PALLD: variants seen among roughly 807,000 people sequenced by gnomAD.
PALLD encodes the protein palladin, cytoskeletal associated protein.
In PALLD, 61 loss-of-function variants were observed where a neutral mutation model predicts 123.5. The ratio of observed to expected loss-of-function variants is 0.49; its 90% CI spans 0.40 to 0.61. The LOEUF (loss-of-function observed/expected upper bound fraction) is 0.61. Among genes scored for constraint, PALLD ranks in the 20% least tolerant of loss-of-function variants. The pLI is 0.00. For missense variants in PALLD, 1,273 were observed against 1,377.0 expected (o/e 0.92, Z 1.20); for synonymous variants, 465 against 496.4 (o/e 0.94, Z 0.84).
intron 10 of PALLD, among the ~76,000 whole-genome samples, chr4:168,879,468 A>G (rs1371714108): frequency 3.3e-5 from 5 of 152,226 alleles, no homozygotes; most frequent in East Asian, 1.9e-4. Context: ...GAAGCATACT[A>G]TTGTTCAGAG....
At chr4:168,864,464 G>T (rs1360329453) in intron 10 of PALLD, 1 of 152,156 alleles carries the variant, frequency 6.6e-6, no homozygotes, top group African/African-American at 2.4e-5. Flanking sequence ...TGCACCAAAC[G>T]TACTTATTAC....
chr4:168,575,082 C>T (rs1208915388), intron 2 of PALLD, among the ~76,000 whole-genome samples: 3 of 152,102 alleles, frequency 2.0e-5, no homozygotes, highest in Non-Finnish European at 4.4e-5. Flanking sequence ...GTGTCTGCCA[C>T]CAGCTGAATC....
At chr4:168,743,359 C>T (rs971449396) in intron 10 of PALLD, among the ~76,000 whole-genome samples, 2 of 152,076 alleles carry the variant, frequency 1.3e-5, no homozygotes, top group African/African-American at 4.8e-5. Context: ...GTTTAATCCC[C>T]AGCAACTAGC....
chr4:168,567,814 G>A (rs1457831194), intron 2 of PALLD, among the ~76,000 whole-genome samples: 1 of 151,770 alleles, frequency 6.6e-6, no homozygotes, highest in East Asian at 1.9e-4. Context: ...GAGGATGGGA[G>A]GGGGGATGAA....
At chr4:168,860,023 G>C (rs1032991019) in intron 10 of PALLD, among the ~76,000 whole-genome samples, 19 of 152,186 alleles carry the variant, frequency 1.2e-4, no homozygotes, top group African/African-American at 4.1e-4. Flanking sequence ...ACTAACCACT[G>C]TTCAAGCACT....
intron 10 of PALLD, among the ~76,000 whole-genome samples, chr4:168,854,319 G>T (rs778671625): frequency 1.3e-5 from 2 of 152,172 alleles, no homozygotes; most frequent in Admixed American, 1.3e-4. Context: ...GGACAAGCTG[G>T]TCAGGGATGG....
intron 10 of PALLD, among the ~76,000 whole-genome samples, chr4:168,801,497 C>T (rs754138026): frequency 2.2e-4 from 34 of 152,192 alleles, no homozygotes; most frequent in Non-Finnish European, 4.4e-4. Context: ...CCAGGATGGG[C>T]TCGATCTCCT....
Position 168,575,534 on chromosome 4 carries a change from C to G in PALLD, c.908+63122C>G, listed in dbSNP as rs1237420011. Among the ~76,000 whole-genome samples the G allele has an allele frequency of 2.0e-5, 3 of 152,002 alleles. No homozygotes were observed. The East Asian group carries it at 5.8e-4, about 29-fold the overall frequency. ...TTGAGATGAGATTTGGGTGGGGACA[C>G]AGAGCCAAACCATATCACCACTCTA... On this transcript the variant is annotated intron_variant, in intron 2 of 21. Coordinates refer to ENST00000505667, the MANE Select transcript of PALLD (RefSeq NM_001166108.2).
intron 10 of PALLD, among the ~76,000 whole-genome samples, chr4:168,757,945 C>T (rs1463726671): frequency 6.6e-6 from 1 of 152,178 alleles, no homozygotes; most frequent in Non-Finnish European, 1.5e-5. Flanking sequence ...GTGGCGCATG[C>T]CTGTGATCCC....
chr4:168,546,004 T>C (rs1766104077), intron 2 of PALLD, among the ~76,000 whole-genome samples: 1 of 152,178 alleles, frequency 6.6e-6, no homozygotes, highest in South Asian at 2.1e-4. Context: ...GCTATTTAAA[T>C]GCACAATTCC....
At chr4:168,624,270 T>A (rs1775030061) in intron 2 of PALLD, among the ~76,000 whole-genome samples, 1 of 152,090 alleles carries the variant, frequency 6.6e-6, no homozygotes, top group Non-Finnish European at 1.5e-5. Flanking sequence ...AATGCAAGAA[T>A]AATTCATGGC....
At chr4:168,579,827 A>G (rs1770050271) in intron 2 of PALLD, among the ~76,000 whole-genome samples, 1 of 152,102 alleles carries the variant, frequency 6.6e-6, no homozygotes, top group South Asian at 2.1e-4. Context: ...ATGTTGTAAA[A>G]TGATTACTGC....
At chr4:168,721,114 A>G (rs981340207) in intron 10 of PALLD, among the ~76,000 whole-genome samples, 3 of 152,228 alleles carry the variant, frequency 2.0e-5, no homozygotes, top group Admixed American at 6.5e-5. Flanking sequence ...GTGGCACTCA[A>G]TCATCCATAA....
intron 2 of PALLD, among the ~76,000 whole-genome samples, chr4:168,527,422 C>CAAAAAAATAAAAAAAAAA (rs1764164740): frequency 1.9e-5 from 1 of 52,916 alleles, no homozygotes; most frequent in Admixed American, 2.7e-4. Flanking sequence ...AACTCCATCT[C>CAAAAAAATAAAAAAAAAA]AAAAAAAAAA....
At chr4:168,836,285 CAG>C (rs1745176352) in intron 10 of PALLD, among the ~76,000 whole-genome samples, 1 of 152,186 alleles carries the variant, frequency 6.6e-6, no homozygotes, top group African/African-American at 2.4e-5. Context: ...TTCAGTTTGG[CAG>C]AGACTGTTGG....
intron 2 of PALLD, among the ~76,000 whole-genome samples, chr4:168,559,617 C>T (rs1252805865): frequency 6.6e-6 from 1 of 152,150 alleles, no homozygotes; most frequent in East Asian, 1.9e-4. Context: ...AATACATAGG[C>T]TGGGTGTGGT....
chr4:168,707,655 G>A (rs1369459967), intron 8 of PALLD, among the ~76,000 whole-genome samples: 1 of 152,162 alleles, frequency 6.6e-6, no homozygotes, highest in African/African-American at 2.4e-5. Context: ...AACGGATGGG[G>A]AAATAGACTC....
intron 2 of PALLD, among the ~76,000 whole-genome samples, chr4:168,525,742 A>G (rs1763985440): frequency 6.6e-6 from 1 of 152,136 alleles, no homozygotes; most frequent in African/African-American, 2.4e-5. Context: ...GATATTCCAC[A>G]GAAGAAGAAT....
At chr4:168,597,645 G>C (rs1483809260) in intron 2 of PALLD, among the ~76,000 whole-genome samples, 2 of 151,892 alleles carry the variant, frequency 1.3e-5, no homozygotes, top group East Asian at 3.9e-4. Context: ...CCTCCAGCAT[G>C]GTTGGTCAAA....
Sources: gnomAD v4.1 joint callset for allele counts (sites outside exome capture counted in the v4.1 genomes callset) on GRCh38, gnomAD v4.1.1 for gene constraint, MANE v1.5 for transcripts, NCBI Gene and HGNC (gene_info 2026-07-23, HGNC 2026-07-21) for gene names.